CDH13: variants seen among roughly 807,000 people sequenced by gnomAD.
CDH13 encodes cadherin-13.
In CDH13, 24 loss-of-function variants were observed where a neutral mutation model predicts 63.8. That is an observed-to-expected ratio of 0.38 (90% CI 0.27 to 0.53). The LOEUF is 0.53. Among genes scored for constraint, CDH13 ranks in the 20% least tolerant of loss-of-function variants. CDH13 has a pLI of 0.85. For missense variants in CDH13, 1,049 were observed against 903.1 expected (o/e 1.16, Z -2.07); for synonymous variants, 503 against 355.3 (o/e 1.42, Z -4.67).
At chr16:83,422,280 C>G (rs924966638) in intron 6 of CDH13, among the ~76,000 whole-genome samples, 1 of 152,110 alleles carries the variant, frequency 6.6e-6, no homozygotes, top group Non-Finnish European at 1.5e-5. Flanking sequence ...CATATTAATA[C>G]TCATCCAAAG....
At chr16:82,884,256 A>C (rs2040807681) in intron 2 of CDH13, 1 of 453,856 alleles carries the variant, frequency 2.2e-6, no homozygotes, top group Non-Finnish European at 4.4e-6. Flanking sequence ...ATGAGAAGGA[A>C]ATCTGCAGGT....
intron 6 of CDH13, among the ~76,000 whole-genome samples, chr16:83,451,857 T>G (rs922822684): frequency 2.6e-5 from 4 of 152,224 alleles, no homozygotes; most frequent in African/African-American, 9.7e-5. Context: ...CCTCCTATTT[T>G]TTCTTTTCAA....
At chr16:83,179,481 T>TAAAAAAAA (rs565547312) in intron 4 of CDH13, among the ~76,000 whole-genome samples, 6,378 of 68,558 alleles carry the variant, frequency 0.093, 615 homozygotes, top group African/African-American at 0.14. Context: ...CCGTCTCTAC[T>TAAAAAAAA]AAAAAAAAAA....
intron 2 of CDH13, among the ~76,000 whole-genome samples, chr16:83,027,742 C>G (rs904235107): frequency 2.6e-5 from 4 of 152,132 alleles, no homozygotes; most frequent in Non-Finnish European, 5.9e-5. Flanking sequence ...TAGCTTATCT[C>G]CATTCTAACT....
intron 5 of CDH13, among the ~76,000 whole-genome samples, chr16:83,284,864 C>G (rs530465129): frequency 1.3e-5 from 2 of 152,056 alleles, no homozygotes; most frequent in East Asian, 3.9e-4. Flanking sequence ...AACAAAGACC[C>G]AAGTTTAATA....
chr16:83,176,614 A>G (rs1247544009), intron 4 of CDH13, among the ~76,000 whole-genome samples: 1 of 152,002 alleles, frequency 6.6e-6, no homozygotes, highest in African/African-American at 2.4e-5. Flanking sequence ...AATTATAAAT[A>G]TAATTCCACT....
intron 4 of CDH13, among the ~76,000 whole-genome samples, chr16:83,131,299 C>G (rs1231595624): frequency 6.7e-6 from 1 of 149,826 alleles, no homozygotes; most frequent in African/African-American, 2.5e-5. Flanking sequence ...ATGGTGCATT[C>G]TGCCCTAGAC....
chr16:83,634,369 G>A (rs1054174551), intron 8 of CDH13, among the ~76,000 whole-genome samples: 4 of 151,788 alleles, frequency 2.6e-5, no homozygotes, highest in Admixed American at 6.6e-5. Flanking sequence ...GTACATAATG[G>A]AATCATACAA....
rs531829470 is a variant in CDH13, at chr16:82,872,349, G to T, written c.157+13876G>T. 1.4e-3 allele frequency among the ~76,000 whole-genome samples: 217 copies of T among 152,294 alleles called. 1 individual carries two copies. The highest frequency in any genetic ancestry group is 4.9e-3 in the African/African-American group (204 of 41,564). ...GGCCTCACTCTTCAACCTGTTGAGT[G>T]TCTTCACTCACTTGGTTCTGGAGCT... is the stretch of plus-strand genomic sequence containing the variant. On this transcript the variant is annotated intron_variant, in intron 2 of 13. Transcript: ENST00000567109.
chr16:83,684,873 C>A (rs879558799), intron 10 of CDH13, among the ~76,000 whole-genome samples: 1 of 151,984 alleles, frequency 6.6e-6, no homozygotes, highest in African/African-American at 2.4e-5. Flanking sequence ...TCAGAGCAGA[C>A]GGAAGTTGAT....
At chr16:83,777,337 C>A (rs1330499968) in intron 11 of CDH13, among the ~76,000 whole-genome samples, 2 of 152,234 alleles carry the variant, frequency 1.3e-5, no homozygotes, top group African/African-American at 2.4e-5. Context: ...GTGCCCTCAG[C>A]TCTGGAGGAG....
chr16:82,958,140 C>T (rs1286719803), intron 2 of CDH13, among the ~76,000 whole-genome samples: 2 of 152,174 alleles, frequency 1.3e-5, no homozygotes. Context: ...CAATTCTACC[C>T]ATTCCTGGCT....
intron 6 of CDH13, among the ~76,000 whole-genome samples, chr16:83,426,229 G>T (rs868373054): frequency 6.6e-6 from 1 of 152,106 alleles, no homozygotes; most frequent in South Asian, 2.1e-4. Context: ...AATGCATTGA[G>T]ATTCTAGGGC....
intron 6 of CDH13, among the ~76,000 whole-genome samples, chr16:83,467,229 C>T (rs190327370): frequency 1.7e-3 from 256 of 152,260 alleles, no homozygotes; most frequent in African/African-American, 5.8e-3. Context: ...ACAAATACAC[C>T]GTGCACATTT....
intron 1 of CDH13, among the ~76,000 whole-genome samples, chr16:82,796,779 A>G (rs1319152177): frequency 2.0e-5 from 3 of 152,202 alleles, no homozygotes; most frequent in African/African-American, 7.2e-5. Flanking sequence ...GTTATGGGAG[A>G]TCCCAGAGGA....
chr16:83,012,049 G>T (rs779046235), intron 2 of CDH13, among the ~76,000 whole-genome samples: 1 of 152,144 alleles, frequency 6.6e-6, no homozygotes, highest in Non-Finnish European at 1.5e-5. Context: ...GACTAGGTCT[G>T]TGTTACCCAG....
chr16:83,037,486 A>C (rs139741452), intron 3 of CDH13, among the ~76,000 whole-genome samples: 12 of 152,228 alleles, frequency 7.9e-5, no homozygotes, highest in Non-Finnish European at 1.3e-4. Context: ...AACCAGAAGC[A>C]AGATTTGCCA....
chr16:82,814,011 C>T (rs1408182342), intron 1 of CDH13, among the ~76,000 whole-genome samples: 1 of 152,132 alleles, frequency 6.6e-6, no homozygotes, highest in Non-Finnish European at 1.5e-5. Flanking sequence ...ATACCGGCTG[C>T]TGTGCTTGGC....
chr16:83,442,609 C>T (rs548904714), intron 6 of CDH13, among the ~76,000 whole-genome samples: 47 of 152,226 alleles, frequency 3.1e-4, no homozygotes, highest in African/African-American at 1.1e-3. Context: ...CTTTCTATGA[C>T]AAGAAGCTTA....
Sources: gnomAD v4.1 joint callset for allele counts (sites outside exome capture counted in the v4.1 genomes callset) on GRCh38, gnomAD v4.1.1 for gene constraint, MANE v1.5 for transcripts, NCBI Gene and HGNC (gene_info 2026-07-23, HGNC 2026-07-21) for gene names.